Variants in ST7 observed in about 807,000 individuals in gnomAD.
ST7 encodes the protein suppression of tumorigenicity 7.
Under a neutral mutation model 78.7 loss-of-function variants are expected in ST7, and 28 were observed. That is an observed-to-expected ratio of 0.36 (90% CI 0.26 to 0.49). ST7 has a LOEUF of 0.49. Ranked by LOEUF, ST7 falls within the 20% of genes least tolerant of loss-of-function variation. ST7 has a pLI of 0.99. For missense variants in ST7, 418 were observed against 696.0 expected (o/e 0.60, Z 4.49); for synonymous variants, 247 against 249.6 (o/e 0.99, Z 0.10).
intron 15 of ST7, chr7:117,222,932 T>A (rs775270704): frequency 2.5e-6 from 4 of 1,614,000 alleles, no homozygotes; most frequent in Non-Finnish European, 3.4e-6. Flanking sequence ...GTGTTGAAGA[T>A]GAACTGGAAA....
chr7:117,007,503 T>C (rs1795205386), intron 1 of ST7, among the ~76,000 whole-genome samples: 1 of 152,184 alleles, frequency 6.6e-6, no homozygotes, highest in African/African-American at 2.4e-5. Flanking sequence ...AACATAAAAG[T>C]GCAAGGTAAA....
intron 15 of ST7, chr7:117,222,961 C>G: frequency 6.2e-7 from 1 of 1,613,316 alleles, no homozygotes; most frequent in South Asian, 1.1e-5. Flanking sequence ...GCACCTCAAT[C>G]TCAACATTTC....
At chr7:116,987,783 G>T (rs1030948264) in intron 1 of ST7, among the ~76,000 whole-genome samples, 1 of 152,150 alleles carries the variant, frequency 6.6e-6, no homozygotes, top group African/African-American at 2.4e-5. Context: ...GAGTGCAATG[G>T]GGCAATCTCG....
intron 6 of ST7, 30 bp downstream of exon 6, chr7:117,131,990 A>G: frequency 6.3e-7 from 1 of 1,591,840 alleles, no homozygotes; most frequent in Non-Finnish European, 8.6e-7. Flanking sequence ...GCTGTTAAAA[A>G]GGAAATCTCA....
At chr7:117,143,984 G>T (rs898349983) in intron 9 of ST7, among the ~76,000 whole-genome samples, 2 of 152,118 alleles carry the variant, frequency 1.3e-5, no homozygotes, top group African/African-American at 4.8e-5. Context: ...CCAAACCTTC[G>T]TGTGCGTTTA....
intron 1 of ST7, among the ~76,000 whole-genome samples, chr7:117,069,564 A>G (rs958435894): frequency 3.3e-5 from 5 of 152,232 alleles, no homozygotes; most frequent in Non-Finnish European, 5.9e-5. Flanking sequence ...GATGTCTAGC[A>G]AGAGACAATA....
At chr7:117,030,276 T>C (rs766391480) in intron 1 of ST7, among the ~76,000 whole-genome samples, 11 of 152,212 alleles carry the variant, frequency 7.2e-5, no homozygotes, top group Non-Finnish European at 1.6e-4. Context: ...TGGAATGACT[T>C]ATATTACCCA....
intron 2 of ST7, among the ~76,000 whole-genome samples, chr7:117,106,837 G>A (rs1385817082): frequency 1.3e-5 from 2 of 151,876 alleles, no homozygotes; most frequent in Non-Finnish European, 1.5e-5. Context: ...AGCCAGGATG[G>A]TCTCGATCTC....
chr7:117,094,978 A>G (rs963864925), intron 1 of ST7, among the ~76,000 whole-genome samples: 3 of 152,178 alleles, frequency 2.0e-5, no homozygotes, highest in Non-Finnish European at 4.4e-5. Flanking sequence ...CACGGCACAA[A>G]GCACACCCAT....
At chr7:117,010,501 G>A (rs1212739396) in intron 1 of ST7, among the ~76,000 whole-genome samples, 1 of 152,190 alleles carries the variant, frequency 6.6e-6, no homozygotes, top group Non-Finnish European at 1.5e-5. Flanking sequence ...GCAGATGCAG[G>A]CTGGAGTGGG....
intron 1 of ST7, among the ~76,000 whole-genome samples, chr7:117,097,888 A>ATATATGACATATCAC (rs1297068207): frequency 1.9e-3 from 33 of 17,576 alleles, no homozygotes; most frequent in African/African-American, 6.7e-3. Flanking sequence ...CACTATATAT[A>ATATATGACATATCAC]TATATATATA....
At chr7:117,052,081 C>T (rs577492000) in intron 1 of ST7, among the ~76,000 whole-genome samples, 3 of 152,190 alleles carry the variant, frequency 2.0e-5, no homozygotes, top group East Asian at 1.9e-4. Flanking sequence ...CAAGTAAAAG[C>T]GTTAGTGTCC....
At chr7:116,956,612 G>A (rs1046770034) in intron 1 of ST7, 3 of 471,048 alleles carry the variant, frequency 6.4e-6, no homozygotes, top group Non-Finnish European at 1.3e-5. Context: ...ACCTGTAGGG[G>A]GATGGAATCT....
chr7:117,018,172 C>T (rs1226569494), intron 1 of ST7, among the ~76,000 whole-genome samples: 6 of 152,144 alleles, frequency 3.9e-5, no homozygotes, highest in Non-Finnish European at 7.4e-5. Flanking sequence ...AACCCAGGGG[C>T]CATTTTCTCA....
At chr7:117,150,152 G>T (rs532399502) in intron 9 of ST7, among the ~76,000 whole-genome samples, 1 of 152,026 alleles carries the variant, frequency 6.6e-6, no homozygotes, top group Non-Finnish European at 1.5e-5. Flanking sequence ...GTTGTCTGAG[G>T]TGGGAAGGAG....
chr7:117,054,788 G>C (rs951511473), intron 1 of ST7, among the ~76,000 whole-genome samples: 1 of 152,172 alleles, frequency 6.6e-6, no homozygotes, highest in African/African-American at 2.4e-5. Context: ...TGAACTCTCT[G>C]CTGGACATGC....
In ST7 at chr7:117,134,202, GA is replaced by G. The variant is rs1461787789; in HGVS notation, c.710+12del. 1 of 1,611,394 alleles carries G rather than the reference GA, an allele frequency of 6.2e-7. No homozygotes were observed. The highest frequency in any genetic ancestry group is 8.5e-7 in the Non-Finnish European group (1 of 1,178,578). On this transcript the variant is annotated intron_variant, in intron 7 of 15. Coordinates refer to ENST00000323984, the MANE Select transcript of ST7 (RefSeq NM_001369598.1). ...TAAAATTGTTACCAAAGTAAGTCAA[GA>G]ACCTGTTGGGTGCCCTACTTCTAAC...
At chr7:116,968,173 AG>A (rs1227437979) in intron 1 of ST7, among the ~76,000 whole-genome samples, 5 of 152,178 alleles carry the variant, frequency 3.3e-5, no homozygotes, top group African/African-American at 9.7e-5. Flanking sequence ...ACTATAAAAA[AG>A]GATTTAAATT....
intron 3 of ST7, among the ~76,000 whole-genome samples, chr7:117,122,098 T>A (rs943365149): frequency 2.0e-5 from 3 of 152,166 alleles, no homozygotes; most frequent in African/African-American, 7.2e-5. Flanking sequence ...GGAGGTGACA[T>A]TTGATTTGGA....
Sources: gnomAD v4.1 joint callset for allele counts (sites outside exome capture counted in the v4.1 genomes callset) on GRCh38, gnomAD v4.1.1 for gene constraint, MANE v1.5 for transcripts, NCBI Gene and HGNC (gene_info 2026-07-23, HGNC 2026-07-21) for gene names.